The following PNLDC1 variants were observed in gnomAD, a reference collection of about 807,000 sequenced individuals.
PNLDC1 encodes poly(A)-specific ribonuclease PNLDC1.
In PNLDC1, 70 loss-of-function variants were observed where a neutral mutation model predicts 82.0. That is an observed-to-expected ratio of 0.85 (90% CI 0.70 to 1.04). The LOEUF (loss-of-function observed/expected upper bound fraction) is 1.04. Among genes scored for constraint, PNLDC1 ranks in the 50% least tolerant of loss-of-function variants. The pLI, the probability that PNLDC1 is intolerant of heterozygous loss-of-function variation, is 0.00. For missense variants in PNLDC1, 631 were observed against 661.1 expected, an observed-to-expected ratio of 0.95 and a Z score of 0.50; for synonymous variants, 280 against 249.3, an observed-to-expected ratio of 1.12 and a Z score of -1.16.
chr6:159,812,538 GA>G (rs1781679343), intron 11 of PNLDC1, among the ~76,000 whole-genome samples: 1 of 152,146 alleles, frequency 6.6e-6, no homozygotes, highest in Non-Finnish European at 1.5e-5. Flanking sequence ...TCTCAGTCCT[GA>G]AAACATGTTG....
intron 14 of PNLDC1, 33 bp downstream of exon 14, chr6:159,816,629 A>AAT: frequency 7.0e-7 from 1 of 1,437,600 alleles, no homozygotes; most frequent in Non-Finnish European, 9.1e-7. Flanking sequence ...AAGGAAACTC[A>AAT]CTTTTTTTTT....
At chr6:159,815,772 C>T (rs1447526690) in intron 12 of PNLDC1, among the ~76,000 whole-genome samples, 197 bp from the exon 13 acceptor site, 2 of 152,104 alleles carry the variant, frequency 1.3e-5, no homozygotes, top group African/African-American at 4.8e-5. Flanking sequence ...TCCACTGGGG[C>T]CTCCTGCACC....
chr6:159,817,541 G>C (rs1452907469), intron 15 of PNLDC1, among the ~76,000 whole-genome samples: 1 of 152,216 alleles, frequency 6.6e-6, no homozygotes, highest in African/African-American at 2.4e-5. Context: ...AAAGTGTTCA[G>C]GTCAATGAAT....
chr6:159,820,524 C>T lies in PNLDC1; in HGVS notation c.*7C>T, dbSNP rs369382666. On this transcript the variant is annotated 3_prime_UTR_variant, in exon 19 of 19. Transcript: ENST00000392167. Reference sequence around the variant, plus strand: ...TGGAAGATCTGGTACCTGAGTGCAGCGAGGCCTCCTGCGGCCACCCTCGGG... The same window carrying T: ...TGGAAGATCTGGTACCTGAGTGCAGTGAGGCCTCCTGCGGCCACCCTCGGG... 88 of 1,613,780 alleles carry T rather than the reference C, an allele frequency of 5.5e-5. No individual in the cohort carries two copies. Among genetic ancestry groups the T allele is most frequent in the Non-Finnish European group, 6.9e-5 (82 of 1,179,870 alleles).
intron 12 of PNLDC1, among the ~76,000 whole-genome samples, 178 bp downstream of exon 12, chr6:159,813,834 C>T (rs1006515790): frequency 2.0e-5 from 3 of 152,198 alleles, no homozygotes; most frequent in East Asian, 1.9e-4. Flanking sequence ...CTCTTGCCTC[C>T]GTTTCCAAAG....
At chr6:159,808,339 G>T (rs993472672) in intron 7 of PNLDC1, among the ~76,000 whole-genome samples, 5 of 152,092 alleles carry the variant, frequency 3.3e-5, no homozygotes, top group African/African-American at 1.2e-4. Context: ...CACTCTTCTC[G>T]CTAAGTTTTT....
chr6:159,805,682 C>T (rs1445897658), intron 6 of PNLDC1: 2 of 304,012 alleles, frequency 6.6e-6, no homozygotes, highest in Admixed American at 3.9e-5. Flanking sequence ...AGAAGACGGT[C>T]CTGATAGCAA....
rs1247729253 is a variant in PNLDC1, at chr6:159,819,132, C to G, written c.1433+11C>G. The G allele has an allele frequency of 6.2e-7, 1 of 1,613,306 alleles. No homozygotes were observed. Among genetic ancestry groups the G allele is most frequent in the Non-Finnish European group, 8.5e-7 (1 of 1,179,484 alleles). Reference sequence around the variant, plus strand: ...CAATAAGTTTAAGGAGTAGGTGCCTCTAAGTCCGCGTCCCCCACCCCTCGT... The same window carrying G: ...CAATAAGTTTAAGGAGTAGGTGCCTGTAAGTCCGCGTCCCCCACCCCTCGT... On this transcript the variant is annotated intron_variant, in intron 17 of 18. Coordinates refer to ENST00000392167, the MANE Select transcript of PNLDC1 (RefSeq NM_001271862.2). The surrounding 1 kb of genome is among the most constrained non-coding windows in gnomAD (Gnocchi z 4.6).
In PNLDC1 at chr6:159,820,690, T is replaced by C; in HGVS notation, c.*173T>C. 2 of 638,860 alleles carry C rather than the reference T, an allele frequency of 3.1e-6. No individual in the cohort carries two copies. The highest frequency in any genetic ancestry group is 5.5e-6 in the Non-Finnish European group (2 of 360,858). 39.6% of individuals were successfully genotyped at this position (638,860 alleles called of 1,614,324 possible). Reference sequence around the variant, plus strand: ...GTCAACACTCTCAATGATAAATCAGTCCTTAGATATCGTACCTGTATGTGT... The same window carrying C: ...GTCAACACTCTCAATGATAAATCAGCCCTTAGATATCGTACCTGTATGTGT... On this transcript the variant is annotated 3_prime_UTR_variant, in exon 19 of 19. Coordinates refer to ENST00000392167, the MANE Select transcript of PNLDC1 (RefSeq NM_001271862.2).
At chr6:159,805,120 C>T (rs1346320137) in intron 6 of PNLDC1, among the ~76,000 whole-genome samples, 1 of 152,220 alleles carries the variant, frequency 6.6e-6, no homozygotes, top group Non-Finnish European at 1.5e-5. Flanking sequence ...CCTGCTGTGC[C>T]TGACCCTGCT....
chr6:159,814,042 C>G (rs1781733587), intron 12 of PNLDC1, among the ~76,000 whole-genome samples: 1 of 152,210 alleles, frequency 6.6e-6, no homozygotes, highest in African/African-American at 2.4e-5. Context: ...CCTGCCCCTT[C>G]CCGGGGTGTC....
chr6:159,815,840 G>A (rs1781794733), intron 12 of PNLDC1, 129 bp from the exon 13 acceptor site: 3 of 682,212 alleles, frequency 4.4e-6, no homozygotes, highest in Non-Finnish European at 5.0e-6. Context: ...TCCATGCTTA[G>A]ATTTGCACCT....
At chr6:159,818,798 T>C in intron 16 of PNLDC1, 144 bp downstream of exon 16, 1 of 1,201,864 alleles carries the variant, frequency 8.3e-7, no homozygotes, top group Non-Finnish European at 1.2e-6. Flanking sequence ...CTCATGTTTC[T>C]CCACTAAAGC....
chr6:159,805,725 C>T lies in PNLDC1; in HGVS notation c.462-258C>T, dbSNP rs560619080. ...TATTGGCTAGATACCAATAGCTTTTCCTCCATACATCCTAGTGAAGCAGGA... is the reference window on the plus strand; with the variant it reads ...TATTGGCTAGATACCAATAGCTTTTTCTCCATACATCCTAGTGAAGCAGGA... On this transcript the variant is annotated intron_variant, in intron 6 of 18. Transcript: ENST00000392167. The T allele has an allele frequency of 2.2e-4, 94 of 436,034 alleles. No individual in the cohort carries two copies. In the East Asian group the frequency reaches 3.7e-3, roughly 17 times the overall value. The allele number at this position is 436,034 out of a possible 1,614,324, so 27.0% of individuals were successfully genotyped here. A position where few individuals can be genotyped will look rare whatever the true frequency, so the allele number is the denominator to read the frequency against.
At chr6:159,816,127 T>TCCCCCCCCCCCCCCCCCCCCCCCCCC in intron 13 of PNLDC1, 94 bp downstream of exon 13, 1 of 540,612 alleles carries the variant, frequency 1.8e-6, no homozygotes, top group Non-Finnish European at 2.4e-6. Flanking sequence ...CCCACACCCC[T>TCCCCCCCCCCCCCCCCCCCCCCCCCC]CCCCACCCAC....
intron 16 of PNLDC1, 117 bp downstream of exon 16, chr6:159,818,771 C>T: frequency 2.5e-6 from 3 of 1,208,248 alleles, no homozygotes; most frequent in Non-Finnish European, 3.5e-6. Context: ...GAGATGAGAG[C>T]TGGGTTTTTC....
chr6:159,799,722 A>G (rs1262849622), upstream of PNLDC1, among the ~76,000 whole-genome samples: 3 of 152,304 alleles, frequency 2.0e-5, no homozygotes, highest in African/African-American at 4.8e-5. Flanking sequence ...GATTCCTTCA[A>G]TTTAATGGGC....
intron 11 of PNLDC1, 145 bp downstream of exon 11, chr6:159,811,931 GC>G: frequency 1.5e-6 from 1 of 660,620 alleles, no homozygotes; most frequent in Non-Finnish European, 2.5e-6. Flanking sequence ...AGGGAGTCTT[GC>G]TCTCAAAGCC....
At chr6:159,805,517 C>G (rs960093072) in intron 6 of PNLDC1, 1 of 152,576 alleles carries the variant, frequency 6.6e-6, no homozygotes, top group Admixed American at 6.5e-5. Flanking sequence ...AATTTTTAAC[C>G]TTCTTTCATT....
Sources: allele counts gnomAD v4.1 joint callset (sites outside exome capture counted in the v4.1 genomes callset), GRCh38; gene constraint gnomAD v4.1.1; non-coding constraint Gnocchi (gnomAD v3.1); transcripts MANE v1.5; gene names NCBI Gene and HGNC (gene_info 2026-07-23, HGNC 2026-07-21).